Variants in ZNF821 observed in about 807,000 individuals in gnomAD.
ZNF821 encodes zinc finger protein 821.
In ZNF821, 16 loss-of-function variants were observed where a neutral mutation model predicts 44.3. The ratio of observed to expected loss-of-function variants is 0.36; its 90% CI spans 0.24 to 0.55. ZNF821 has a LOEUF of 0.55. ZNF821 is among the 20% of genes least tolerant of loss of function. The probability of loss-of-function intolerance (pLI) is 0.86; values close to 1 mark genes in which losing one functional copy is unlikely to be tolerated. For synonymous variants in ZNF821, 204 were observed against 197.6 expected, an observed-to-expected ratio of 1.03 and a Z score of -0.27; for missense variants, 436 against 547.6, an observed-to-expected ratio of 0.80 and a Z score of 2.03.
intron 3 of ZNF821, among the ~76,000 whole-genome samples, chr16:71,874,040 C>T (rs189795924): frequency 6.7e-6 from 1 of 149,356 alleles, no homozygotes; most frequent in East Asian, 2.0e-4. Flanking sequence ...CTCACTGCAA[C>T]CTCCATCTCC....
chr16:71,883,549 C>T (rs548918058), intron 1 of ZNF821: 1 of 190,916 alleles, frequency 5.2e-6, no homozygotes, highest in African/African-American at 2.4e-5. Context: ...ACTGATACCC[C>T]CCGGTCTGCA....
chr16:71,886,223 G>GA (rs2036849126), upstream of ZNF821, among the ~76,000 whole-genome samples: 1 of 152,082 alleles, frequency 6.6e-6, no homozygotes, highest in South Asian at 2.1e-4. Flanking sequence ...ACCAAATAAT[G>GA]AAAAAATTAT....
At chr16:71,882,620 G>T (rs2036546688) in intron 2 of ZNF821, among the ~76,000 whole-genome samples, 1 of 152,158 alleles carries the variant, frequency 6.6e-6, no homozygotes. Context: ...TACCCAATGG[G>T]ACTTCACACC....
At chr16:71,873,180 G>C (rs1022023134) in intron 3 of ZNF821, among the ~76,000 whole-genome samples, 1 of 152,088 alleles carries the variant, frequency 6.6e-6, no homozygotes, top group Non-Finnish European at 1.5e-5. Flanking sequence ...AAATTAGCTG[G>C]GCATGGTGAT....
intron 1 of ZNF821, chr16:71,894,700 T>A (rs1301452125): frequency 2.8e-6 from 1 of 350,884 alleles, no homozygotes; most frequent in Non-Finnish European, 5.2e-6. Flanking sequence ...ATTTTTAACT[T>A]TTTTTTTTTT....
At position 71,892,067 on chromosome 16, in the gene ZNF821, A is replaced by G. The variant is rs1291269511; in HGVS notation, n.448+2822T>C. Among the ~76,000 whole-genome samples the G allele has an allele frequency of 4.2e-5, 6 of 141,840 alleles. 1 individual carries two copies. Among genetic ancestry groups the G allele is most frequent in the Admixed American group, 7.3e-5 (1 of 13,786 alleles). 93.1% of individuals were successfully genotyped at this position (141,840 alleles called of 152,430 possible). The stretch of plus-strand genomic sequence containing the variant: ...ATGCCTGTAATCCCAGCTACTTGGT[A>G]CTTGTAAGGCTGCGACAGGAGAATC... On this transcript the variant is annotated intron_variant and non_coding_transcript_variant, in intron 1 of 2. Transcript: ENST00000561700.
In ZNF821 at chr16:71,879,995, A is replaced by G. The variant is rs779252850; in HGVS notation, c.-49T>C. On this transcript the variant is annotated 5_prime_UTR_variant, in exon 3 of 8. Coordinates refer to ENST00000425432, the MANE Select transcript of ZNF821 (RefSeq NM_001201552.2). Reference sequence around the variant, plus strand: ...GTCTTTCCCAGTTTCACGACTGGATATGTTACTACCTCCTTGCAAGATGCT... The same window carrying G: ...GTCTTTCCCAGTTTCACGACTGGATGTGTTACTACCTCCTTGCAAGATGCT... The G allele has an allele frequency of 2.5e-6, 4 of 1,584,784 alleles. No homozygotes were observed. The South Asian group carries it at 4.5e-5, about 18-fold the overall frequency.
intron 3 of ZNF821, among the ~76,000 whole-genome samples, chr16:71,874,264 G>A (rs931201103): frequency 6.6e-6 from 1 of 151,784 alleles, no homozygotes; most frequent in Non-Finnish European, 1.5e-5. Flanking sequence ...GCCCGACCTG[G>A]GAATTCTTAA....
chr16:71,864,410 T>C (rs571918095), intron 5 of ZNF821, among the ~76,000 whole-genome samples, 168 bp from the exon 6 acceptor site: 1 of 152,390 alleles, frequency 6.6e-6, no homozygotes, highest in South Asian at 2.1e-4. Flanking sequence ...GAGGGAATTA[T>C]GGCTTTCAGC....
At chr16:71,877,626 T>C (rs553055686) in intron 3 of ZNF821, among the ~76,000 whole-genome samples, 3 of 152,074 alleles carry the variant, frequency 2.0e-5, no homozygotes, top group African/African-American at 7.2e-5. Context: ...TCCTCTCCAA[T>C]GTAGGGTTTT....
At chr16:71,865,223 T>C (rs990156501) in intron 4 of ZNF821, among the ~76,000 whole-genome samples, 175 bp from the exon 5 acceptor site, 1 of 152,234 alleles carries the variant, frequency 6.6e-6, no homozygotes, top group African/African-American at 2.4e-5. Context: ...ATAGCTGTCA[T>C]TTGTTATGCC....
chr16:71,878,068 G>T (rs2036025825), intron 3 of ZNF821, among the ~76,000 whole-genome samples: 1 of 146,494 alleles, frequency 6.8e-6, no homozygotes, highest in African/African-American at 2.5e-5. Flanking sequence ...TTCAAATGTT[G>T]CTGCACTTTA....
chr16:71,880,765 G>C (rs1211644389), intron 2 of ZNF821, among the ~76,000 whole-genome samples: 2 of 152,156 alleles, frequency 1.3e-5, no homozygotes, highest in African/African-American at 4.8e-5. Flanking sequence ...TTCCAGAGAG[G>C]TGGTCAAAGT....
chr16:71,868,419 C>T (rs897898482), intron 3 of ZNF821, among the ~76,000 whole-genome samples: 4 of 152,162 alleles, frequency 2.6e-5, no homozygotes, highest in Non-Finnish European at 5.9e-5. Flanking sequence ...CAAATCTGGG[C>T]CAAGTCTCTG....
chr16:71,871,237 T>C (rs1382770376), intron 3 of ZNF821, among the ~76,000 whole-genome samples: 2 of 152,232 alleles, frequency 1.3e-5, no homozygotes, highest in African/African-American at 4.8e-5. Context: ...TCATTCCTTT[T>C]TGGCAATTTG....
At position 71,860,750 on chromosome 16, in the gene ZNF821, C is replaced by G. The variant is rs2033761336; in HGVS notation, c.585-78G>C. 6.8e-7 allele frequency: 1 copy of G among 1,462,830 alleles called. No homozygotes were observed. The highest frequency in any genetic ancestry group is 1.4e-5 in the African/African-American group (1 of 71,766). 90.6% of individuals were successfully genotyped at this position (1,462,830 alleles called of 1,614,324 possible). A position where few individuals can be genotyped will look rare whatever the true frequency, so the allele number is the denominator to read the frequency against. ...ACTCCAGCCCTGCCTTATTCTTTTC[C>G]TATGAGGCCAGTGGCTCCACGCTCA... On this transcript the variant is annotated intron_variant, in intron 7 of 7. Transcript: ENST00000425432. The surrounding 1 kb of genome is among the most constrained non-coding windows in gnomAD (Gnocchi z 7.3).
At chr16:71,871,529 C>T (rs760546086) in intron 3 of ZNF821, among the ~76,000 whole-genome samples, 49 of 152,078 alleles carry the variant, frequency 3.2e-4, no homozygotes, top group South Asian at 6.2e-4. Context: ...TGTTAACTGC[C>T]GTATAATGTC....
chr16:71,860,700 G>C lies in ZNF821; in HGVS notation c.585-28C>G, dbSNP rs776651119. The C allele has an allele frequency of 1.9e-6, 3 of 1,600,232 alleles. No homozygotes were observed. Among genetic ancestry groups the C allele is most frequent in the Non-Finnish European group, 2.6e-6 (3 of 1,174,740 alleles). On this transcript the variant is annotated intron_variant, in intron 7 of 7. Coordinates refer to ENST00000425432, the MANE Select transcript of ZNF821 (RefSeq NM_001201552.2). This position sits in a 1 kb window ranked among gnomAD's most constrained non-coding sequence, Gnocchi z 7.3. Reference sequence around the variant, plus strand: ...GGAAAGGAAACATTTTGGATGGTTAGTGTTTCCTTCTAGCAAGAGTCGGGA... The same window carrying C: ...GGAAAGGAAACATTTTGGATGGTTACTGTTTCCTTCTAGCAAGAGTCGGGA...
Position 71,860,267 on chromosome 16 carries a change from C to T in ZNF821, c.990G>A (p.Lys330=), listed in dbSNP as rs758168488. The T allele has an allele frequency of 2.5e-6, 4 of 1,614,090 alleles. No homozygotes were observed. In the Admixed American group the frequency reaches 5.0e-5, roughly 20 times the overall value. The change falls in exon 8 of 8, where the codon AAG becomes AAA. Residue 330 remains lysine (K), a synonymous_variant. Transcript: ENST00000425432. This position sits in a 1 kb window ranked among gnomAD's most constrained non-coding sequence, Gnocchi z 7.3. ...LQRDREAMRL[K]RANETPEKRQ... ...GCTTTTCCGGGGTTTCATTGGCCCG[C>T]TTCAGCCTCATGGCCTCCCGATCCC... is the stretch of plus-strand genomic sequence containing the variant.
Sources: gnomAD v4.1 joint callset for allele counts (sites outside exome capture counted in the v4.1 genomes callset) on GRCh38, gnomAD v4.1.1 for gene constraint, Gnocchi (gnomAD v3.1) non-coding constraint, MANE v1.5 for transcripts, NCBI Gene and HGNC (gene_info 2026-07-23, HGNC 2026-07-21) for gene names.